HMCN2: variants seen among roughly 807,000 people sequenced by gnomAD.
HMCN2 encodes hemicentin 2, also known as hemicentin-2.
Under a neutral mutation model 377.5 loss-of-function variants are expected in HMCN2, and 325 were observed. That is an observed-to-expected ratio of 0.86 (90% CI 0.79 to 0.94). The LOEUF is 0.94. Among genes scored for constraint, HMCN2 ranks in the 40% least tolerant of loss-of-function variants. HMCN2 has a pLI of 0.00. For synonymous variants in HMCN2, 2,007 were observed against 2,046.8 expected (o/e 0.98, Z 0.53); for missense variants, 4,543 against 4,725.3 (o/e 0.96, Z 1.13).
chr9:130,327,226 G>C (rs1378254291), intron 21 of HMCN2, 84 bp from the exon 22 acceptor site: 1 of 152,256 alleles, frequency 6.6e-6, no homozygotes, highest in Non-Finnish European at 1.5e-5. Flanking sequence ...TCTGCCTCCT[G>C]GGGGAGCTGC....
intron 77 of HMCN2, among the ~76,000 whole-genome samples, chr9:130,401,414 C>T (rs1842850027): frequency 6.6e-6 from 1 of 152,190 alleles, no homozygotes; most frequent in Non-Finnish European, 1.5e-5. Context: ...GCCTCCACCT[C>T]CCAGGTTCAA....
intron 1 of HMCN2, among the ~76,000 whole-genome samples, chr9:130,272,694 C>T (rs1554921607): frequency 1.3e-5 from 2 of 152,116 alleles, no homozygotes; most frequent in Non-Finnish European, 2.9e-5. Flanking sequence ...ACCACAGGCA[C>T]ATGCCACCAC....
chr9:130,416,085 A>G (rs1377599300), intron 85 of HMCN2, among the ~76,000 whole-genome samples: 2 of 148,702 alleles, frequency 1.3e-5, no homozygotes, highest in South Asian at 2.2e-4. Context: ...TCTTATCCAA[A>G]GTTCTAGAGG....
intron 39 of HMCN2, 104 bp downstream of exon 39, chr9:130,362,269 T>C (rs2131568449): frequency 1.3e-6 from 1 of 793,260 alleles, no homozygotes; most frequent in Admixed American, 6.2e-5. Flanking sequence ...GAAGCAGCGA[T>C]AGCCCAGGGC....
In HMCN2 at chr9:130,354,924, G is replaced by C; in HGVS notation, c.5026G>C (p.Glu1676Gln). The change falls in exon 32 of 98, where the codon GAG becomes CAG. Residue 1676 changes from glutamate (E) to glutamine (Q), a missense_variant. Glu to Gln is a conservative substitution (Grantham distance 29). Transcript: ENST00000683500. Reference protein sequence around the residue: ...PVAESNESRLETDGSVLRLES... With the variant: ...PVAESNESRLQTDGSVLRLES... ...GGCAGAGAGCAACGAGTCGCGGCTG[G>C]AGACAGACGGGAGTGTGCTGAGGCT... The C allele has an allele frequency of 7.7e-7, 1 of 1,303,950 alleles. No individual in the cohort carries two copies. Among genetic ancestry groups the C allele is most frequent in the Non-Finnish European group, 1.0e-6 (1 of 988,952 alleles). The allele number at this position is 1,303,950 out of a possible 1,614,324, so 80.8% of individuals were successfully genotyped here.
At chr9:130,372,648 G>A (rs1034712456) in intron 47 of HMCN2, among the ~76,000 whole-genome samples, 1 of 152,182 alleles carries the variant, frequency 6.6e-6, no homozygotes, top group South Asian at 2.1e-4. Flanking sequence ...GGTGGTACAC[G>A]CCTGTAGTCT....
chr9:130,402,274 A>G lies in HMCN2; in HGVS notation c.11771-515A>G, dbSNP rs1462318178. Reference sequence around the variant, plus strand: ...AGGGGCCCACGGAGCACAATTTAGAACCCTCGTCACTTGACTGCCAAGGTG... The same window carrying G: ...AGGGGCCCACGGAGCACAATTTAGAGCCCTCGTCACTTGACTGCCAAGGTG... On this transcript the variant is annotated intron_variant, in intron 77 of 97. Transcript: ENST00000683500. 2.6e-5 allele frequency among the ~76,000 whole-genome samples: 4 copies of G among 152,168 alleles called. No individual in the cohort carries two copies. The East Asian group carries it at 7.7e-4, about 29-fold the overall frequency.
At chr9:130,388,575 G>A (rs1842136722) in intron 62 of HMCN2, 35 bp downstream of exon 62, 4 of 987,838 alleles carry the variant, frequency 4.0e-6, no homozygotes, top group Non-Finnish European at 2.4e-6. Flanking sequence ...TTCGCGTAAA[G>A]CATTCCTTTC....
chr9:130,332,150 CT>C (rs1174326421), intron 22 of HMCN2, among the ~76,000 whole-genome samples: 3 of 152,216 alleles, frequency 2.0e-5, no homozygotes, highest in African/African-American at 7.2e-5. Flanking sequence ...GGGACTGTAC[CT>C]TGGTGGATCC....
In HMCN2 at chr9:130,421,366, C is replaced by T. The variant is rs138532048; in HGVS notation, c.13232-1211C>T. ...TCTGTGGGACGATTTCCTTAAGGGG[C>T]ATGGGTGGGTGAAGGGAGTTCAGGG... On this transcript the variant is annotated intron_variant, in intron 86 of 97. Transcript: ENST00000683500. Among the ~76,000 whole-genome samples the T allele has an allele frequency of 2.2e-3, 334 of 152,302 alleles. 2 individuals carry two copies. Among genetic ancestry groups the T allele is most frequent in the African/African-American group, 7.4e-3 (306 of 41,558 alleles).
chr9:130,426,068 G>A, intron 90 of HMCN2, 144 bp downstream of exon 90: 1 of 672,450 alleles, frequency 1.5e-6, no homozygotes, highest in Non-Finnish European at 2.5e-6. Flanking sequence ...GGCCCGGCTG[G>A]CCTACTCACC....
In HMCN2 at chr9:130,400,767, T is replaced by G; in HGVS notation, c.11606-16T>G. 7.8e-7 allele frequency: 1 copy of G among 1,278,150 alleles called. No individual in the cohort carries two copies. Among genetic ancestry groups the G allele is most frequent in the Non-Finnish European group, 1.0e-6 (1 of 982,638 alleles). 79.2% of individuals were successfully genotyped at this position (1,278,150 alleles called of 1,614,324 possible). On this transcript the variant is annotated splice_polypyrimidine_tract_variant and intron_variant, in intron 76 of 97. Coordinates refer to ENST00000683500, the MANE Select transcript of HMCN2 (RefSeq NM_001291815.2). ...GTGCCCGCCGGCAGGGCCTCAAGCC[T>G]TGTCTTGGGTTTTAGTGCCTCCCAC...
rs200772263 is a variant in HMCN2 at position 130,406,015 on chromosome 9, C to T, written c.12400C>T (p.Arg4134Cys). 131 of 1,289,790 alleles carry T rather than the reference C, an allele frequency of 1.0e-4. No individual in the cohort carries two copies. Among genetic ancestry groups the T allele is most frequent in the Non-Finnish European group, 1.1e-4 (113 of 988,858 alleles). The allele number at this position is 1,289,790 out of a possible 1,614,324, so 79.9% of individuals were successfully genotyped here. A position where few individuals can be genotyped will look rare whatever the true frequency, so the allele number is the denominator to read the frequency against. The change falls in exon 82 of 98, where the codon CGC becomes TGC. Residue 4134 changes from arginine (R) to cysteine (C), a missense_variant. Physicochemically the swap from Arg to Cys is radical, Grantham distance 180. Coordinates refer to ENST00000683500, the MANE Select transcript of HMCN2 (RefSeq NM_001291815.2). Reference sequence around the variant, plus strand: ...GAACGCCGTGGGCCGGGCCCGCCGCCGCGTGCACCTCACCATCCTGGTACT... The same window carrying T: ...GAACGCCGTGGGCCGGGCCCGCCGCTGCGTGCACCTCACCATCCTGGTACT... Reference protein sequence around the residue: ...AENAVGRARRRVHLTILVLPV... With the variant: ...AENAVGRARRCVHLTILVLPV...
chr9:130,323,276 G>A (rs1395949757), intron 19 of HMCN2, among the ~76,000 whole-genome samples: 5 of 152,112 alleles, frequency 3.3e-5, no homozygotes, highest in Admixed American at 6.5e-5. Context: ...CTCCCTAAAG[G>A]AGCTCCAAGT....
intron 34 of HMCN2, among the ~76,000 whole-genome samples, chr9:130,356,711 T>C (rs945845855): frequency 2.0e-4 from 31 of 152,340 alleles, no homozygotes; most frequent in African/African-American, 6.5e-4. Flanking sequence ...AGCCTCTCAA[T>C]GCCTTAGCCC....
chr9:130,389,849 A>T (rs991494380), intron 62 of HMCN2, among the ~76,000 whole-genome samples: 3 of 152,208 alleles, frequency 2.0e-5, no homozygotes, highest in African/African-American at 7.2e-5. Context: ...TGCTGGGATT[A>T]TAGGCATGAG....
chr9:130,374,606 G>A lies in HMCN2; in HGVS notation c.7543G>A (p.Ala2515Thr), dbSNP rs1303672620. Residue 2515 changes from alanine to threonine, a missense_variant, in exon 49 of 98, where the codon GCA becomes ACA. Physicochemically the swap from Ala to Thr is moderately conservative, Grantham distance 58. Coordinates refer to ENST00000683500, the MANE Select transcript of HMCN2 (RefSeq NM_001291815.2). Reference sequence around the variant, plus strand: ...CGGAGTCCTCCTGCAGGTCCTCCAGGCAAACCTGTCCAGTGCTGGCCACTA... The same window carrying A: ...CGGAGTCCTCCTGCAGGTCCTCCAGACAAACCTGTCCAGTGCTGGCCACTA... ...PDGVLLQVLQ[A>T]NLSSAGHYSC... The A allele has an allele frequency of 1.0e-6, 1 of 985,660 alleles. No homozygotes were observed. The highest frequency in any genetic ancestry group is 1.1e-4 in the East Asian group (1 of 8,822). 61.1% of individuals were successfully genotyped at this position (985,660 alleles called of 1,614,324 possible).
chr9:130,431,303 T>C (rs578173003), intron 95 of HMCN2, 64 bp from the exon 96 acceptor site: 1 of 1,482,338 alleles, frequency 6.7e-7, no homozygotes, highest in African/African-American at 1.4e-5. Context: ...CACGTTGGTG[T>C]CTGTGGCTCA....
At chr9:130,415,436 C>G (rs575613177) in intron 85 of HMCN2, among the ~76,000 whole-genome samples, 1 of 152,270 alleles carries the variant, frequency 6.6e-6, no homozygotes, top group African/African-American at 2.4e-5. Context: ...CTCCTGGGCT[C>G]AAGCAATCCT....
Sources: gnomAD v4.1 joint callset for allele counts (sites outside exome capture counted in the v4.1 genomes callset) on GRCh38, gnomAD v4.1.1 for gene constraint, MANE v1.5 for transcripts, NCBI Gene and HGNC (gene_info 2026-07-23, HGNC 2026-07-21) for gene names.